DLEC1: variants seen among roughly 807,000 people sequenced by gnomAD.
The protein encoded by DLEC1 is deleted in lung and esophageal cancer protein 1.
DLEC1 carries 146 observed loss-of-function variants against 198.1 expected under a neutral mutation model. The observed-to-expected ratio is 0.74, with a 90% CI of 0.64 to 0.85. The LOEUF (loss-of-function observed/expected upper bound fraction) is 0.85, where lower values mean the gene tolerates loss of function less well. DLEC1 is among the 40% of genes least tolerant of loss of function. DLEC1 has a pLI of 0.00. For missense variants in DLEC1, 2,233 were observed against 2,220.0 expected (o/e 1.01, Z -0.12); for synonymous variants, 897 against 866.8 (o/e 1.03, Z -0.61).
intron 3 of DLEC1, among the ~76,000 whole-genome samples, chr3:38,061,869 ACT>A (rs1421250890): frequency 5.9e-5 from 9 of 152,096 alleles, no homozygotes; most frequent in Admixed American, 5.9e-4. Context: ...ATAGGGTCTC[ACT>A]CTCACTATGT....
chr3:38,081,797 ACCCC>A (rs1185546846), intron 6 of DLEC1, among the ~76,000 whole-genome samples: 2 of 81,082 alleles, frequency 2.5e-5, no homozygotes. Context: ...CGGGGGGCTG[ACCCC>A]CCCACCTCCC....
At chr3:38,119,492 C>T (rs896653999) in intron 33 of DLEC1, among the ~76,000 whole-genome samples, 9 of 152,144 alleles carry the variant, frequency 5.9e-5, no homozygotes, top group Middle Eastern at 3.2e-3. Context: ...TTCATCCCTA[C>T]ACCCATATCT....
Position 38,104,051 on chromosome 3 carries a change from G to A in DLEC1, c.2865-3533G>A, listed in dbSNP as rs182706653. ...CATTGATAGGCTTGCTCAATGCAGC[G>A]TTGTCACAAACCTTCGATTTGTAAA... On this transcript the variant is annotated intron_variant, in intron 19 of 36. Transcript: ENST00000308059. Among the ~76,000 whole-genome samples the A allele has an allele frequency of 8.5e-5, 13 of 152,300 alleles. No individual in the cohort carries two copies. The East Asian group carries it at 1.2e-3, about 14-fold the overall frequency.
chr3:38,109,295 G>A, intron 21 of DLEC1, 137 bp from the exon 22 acceptor site: 1 of 1,290,152 alleles, frequency 7.8e-7, no homozygotes, highest in Non-Finnish European at 1.1e-6. Flanking sequence ...CGACTGGCTG[G>A]GCTCACTGGA....
intron 6 of DLEC1, among the ~76,000 whole-genome samples, chr3:38,077,301 G>T (rs1050312903): frequency 2.6e-5 from 4 of 152,150 alleles, no homozygotes; most frequent in Admixed American, 1.3e-4. Context: ...AAAATAGTAG[G>T]GATGACAAGT....
chr3:38,088,443 G>C, intron 10 of DLEC1, 55 bp downstream of exon 10: 5 of 1,544,614 alleles, frequency 3.2e-6, no homozygotes, highest in Non-Finnish European at 4.5e-6. Context: ...GCTTGCATTT[G>C]TCTCTGTTTT....
At chr3:38,064,935 G>T (rs1037824510) in intron 6 of DLEC1, among the ~76,000 whole-genome samples, 1 of 152,082 alleles carries the variant, frequency 6.6e-6, no homozygotes, top group Non-Finnish European at 1.5e-5. Flanking sequence ...CCTAGATGGG[G>T]TGGCGGCCGG....
In DLEC1 at chr3:38,045,726, A is replaced by G. The variant is rs1405542013; in HGVS notation, c.562+33A>G. 3.8e-6 allele frequency: 6 copies of G among 1,572,592 alleles called. No homozygotes were observed. In the East Asian group the frequency reaches 9.1e-5, roughly 24 times the overall value. On this transcript the variant is annotated intron_variant, in intron 2 of 36. Coordinates refer to ENST00000308059, the MANE Select transcript of DLEC1 (RefSeq NM_007335.4). ...TAAAGAACTCCCACATGCCTGCCCA[A>G]TTCCCGGGCTGTTGATATTTCACTG...
Position 38,117,007 on chromosome 3 carries a change from C to T in DLEC1, c.4212C>T (p.Tyr1404=). The change falls in exon 30 of 37, where the codon TAC becomes TAT. Residue 1404 remains tyrosine, a synonymous_variant. Transcript: ENST00000308059. Reference sequence around the variant, plus strand: ...CTGCTGGGGGCAGCAGTACCATCTACATCTCCTTCACCCCTATGGTGCTCA... The same window carrying T: ...CTGCTGGGGGCAGCAGTACCATCTATATCTCCTTCACCCCTATGGTGCTCA... ...VVPAGGSSTI[Y]ISFTPMVLSP... 6.2e-7 allele frequency: 1 copy of T among 1,614,018 alleles called. No homozygotes were observed. The highest frequency in any genetic ancestry group is 8.5e-7 in the Non-Finnish European group (1 of 1,179,964).
chr3:38,073,990 C>G (rs904688383), intron 6 of DLEC1, among the ~76,000 whole-genome samples: 1 of 152,160 alleles, frequency 6.6e-6, no homozygotes, highest in Non-Finnish European at 1.5e-5. Flanking sequence ...GCTTTAGGGG[C>G]TCTAGGAGTG....
intron 6 of DLEC1, among the ~76,000 whole-genome samples, chr3:38,081,602 T>G (rs1401427296): frequency 1.0e-5 from 1 of 99,748 alleles, no homozygotes; most frequent in Non-Finnish European, 2.0e-5. Flanking sequence ...ACGGGGCGGC[T>G]GGCCGGGCGG....
Position 38,109,441 on chromosome 3 carries a change from A to C in DLEC1, c.3139A>C (p.Thr1047Pro). ...ATGGGCTTTCTTATAGGAAGAGCTG[A>C]CCCATCTGGCCCTCCCTTGTCACGT... Reference protein sequence around the residue: ...ELTAHTQEELTHLALPCHVSG... With the variant: ...ELTAHTQEELPHLALPCHVSG... Residue 1047 changes from threonine to proline, a missense_variant, in exon 22 of 37, where the codon ACC becomes CCC. Physicochemically the swap from Thr to Pro is conservative, Grantham distance 38 (BLOSUM62 -1). Coordinates refer to ENST00000308059, the MANE Select transcript of DLEC1 (RefSeq NM_007335.4). The C allele has an allele frequency of 6.2e-7, 1 of 1,614,100 alleles. No homozygotes were observed.
At chr3:38,096,786 A>G (rs1426302340) in intron 15 of DLEC1, 49 bp downstream of exon 15, 2 of 1,554,632 alleles carry the variant, frequency 1.3e-6, no homozygotes, top group South Asian at 2.5e-5. Flanking sequence ...CAGTGTTGAC[A>G]TGAGTGCAAG....
At position 38,082,124 on chromosome 3, in the gene DLEC1, C is replaced by T. The variant is rs1215026241; in HGVS notation, c.1174-2034C>T. On this transcript the variant is annotated intron_variant, in intron 6 of 36. Transcript: ENST00000308059. ...CCTCCTCACCTCCCAGACGGGGTCT[C>T]GGCCAGGCAGAGGCGCTCCTCACAT... is the stretch of plus-strand genomic sequence containing the variant. 3.8e-4 allele frequency among the ~76,000 whole-genome samples: 57 copies of T among 148,830 alleles called. 1 individual carries two copies. Among genetic ancestry groups the T allele is most frequent in the Middle Eastern group, 6.8e-3 (2 of 294 alleles).
In DLEC1 at chr3:38,107,596, G is replaced by GT; in HGVS notation, c.2878dup (p.Tyr960LeufsTer3). 6.2e-7 allele frequency: 1 copy of GT among 1,609,700 alleles called. No individual in the cohort carries two copies. The highest frequency in any genetic ancestry group is 8.5e-7 in the Non-Finnish European group (1 of 1,177,592). On this transcript the variant is annotated frameshift_variant, in exon 20 of 37. Coordinates refer to ENST00000308059, the MANE Select transcript of DLEC1 (RefSeq NM_007335.4). LOFTEE classifies it high-confidence loss of function. ...CCTCGTGTTCCAGCTACCTTCCTGT[G>GT]TATGCTGAGGTACAGAAGCCCCATG...
At chr3:38,076,172 G>T (rs561004491) in intron 6 of DLEC1, among the ~76,000 whole-genome samples, 1 of 152,336 alleles carries the variant, frequency 6.6e-6, no homozygotes, top group East Asian at 1.9e-4. Context: ...GGAGAAAGAG[G>T]TTGAGGGATA....
intron 6 of DLEC1, among the ~76,000 whole-genome samples, chr3:38,065,464 A>G (rs555876660): frequency 2.9e-4 from 44 of 152,282 alleles, no homozygotes; most frequent in African/African-American, 1.0e-3. Flanking sequence ...AACTAGGGAA[A>G]AGACTATAAC....
chr3:38,115,280 CA>C (rs1252178987), intron 27 of DLEC1, among the ~76,000 whole-genome samples: 1 of 152,196 alleles, frequency 6.6e-6, no homozygotes, highest in African/African-American at 2.4e-5. Flanking sequence ...CTCATTCCTC[CA>C]GCCGGCAGGA....
intron 6 of DLEC1, among the ~76,000 whole-genome samples, chr3:38,068,881 A>T (rs1697170266): frequency 6.6e-6 from 1 of 152,244 alleles, no homozygotes; most frequent in South Asian, 2.1e-4. Flanking sequence ...ATTACTTAGT[A>T]ACTTGAATAT....
Sources: gnomAD v4.1 joint callset for allele counts (sites outside exome capture counted in the v4.1 genomes callset) on GRCh38, gnomAD v4.1.1 for gene constraint, MANE v1.5 for transcripts, NCBI Gene and HGNC (gene_info 2026-07-23, HGNC 2026-07-21) for gene names.